Variants in ZFAT observed in about 807,000 individuals in gnomAD.
ZFAT encodes zinc finger protein ZFAT.
Under a neutral mutation model 117.7 loss-of-function variants are expected in ZFAT, and 64 were observed. The observed-to-expected ratio is 0.54, with a 90% CI of 0.44 to 0.67. The LOEUF is 0.67. ZFAT is among the 30% of genes least tolerant of loss of function. The pLI, the probability that ZFAT is intolerant of heterozygous loss-of-function variation, is 0.00. For synonymous variants in ZFAT, 679 were observed against 615.0 expected (o/e 1.10, Z -1.54); for missense variants, 1,433 against 1,584.5 (o/e 0.90, Z 1.62).
At chr8:134,481,816 G>A (rs150368997) in intron 15 of ZFAT, among the ~76,000 whole-genome samples, 159 of 152,294 alleles carry the variant, frequency 1.0e-3, no homozygotes, top group African/African-American at 3.6e-3. Flanking sequence ...CAGCAGCAGC[G>A]CCTGGGACCA....
At chr8:134,609,096 CTAAA>C (rs1828125322) in intron 4 of ZFAT, among the ~76,000 whole-genome samples, 1 of 151,890 alleles carries the variant, frequency 6.6e-6, no homozygotes, top group Non-Finnish European at 1.5e-5. Context: ...AATAATCTGT[CTAAA>C]TGTCCTCTTG....
the ZFAT span, among the ~76,000 whole-genome samples, chr8:134,780,416 C>T: frequency 2.6e-5 from 4 of 152,330 alleles, no homozygotes; most frequent in Non-Finnish European, 4.4e-5. Flanking sequence ...ATCCTTGGGG[C>T]TTCTTTCAAG....
chr8:134,590,358 T>C lies in ZFAT; in HGVS notation c.2476-3A>G, dbSNP rs1440783183. On this transcript the variant is annotated splice_polypyrimidine_tract_variant and splice_region_variant and intron_variant, in intron 7 of 15. Coordinates refer to ENST00000377838, the MANE Select transcript of ZFAT (RefSeq NM_020863.4). ...GGACAAGAATAACTCCTTTTGTCCT[T>C]AATAGAAAGAGAACATAATCAGTTG... is the stretch of plus-strand genomic sequence containing the variant. 3 of 1,602,806 alleles carry C rather than the reference T, an allele frequency of 1.9e-6. No individual in the cohort carries two copies.
chr8:134,600,295 C>T (rs370368668), intron 7 of ZFAT, 141 bp downstream of exon 7: 37 of 778,664 alleles, frequency 4.8e-5, no homozygotes, highest in South Asian at 1.9e-4. Flanking sequence ...GCCTCTGCCA[C>T]GTGCACAGCT....
intron 10 of ZFAT, among the ~76,000 whole-genome samples, chr8:134,582,857 T>G (rs141104476): frequency 6.6e-6 from 1 of 152,218 alleles, no homozygotes; most frequent in South Asian, 2.1e-4. Context: ...AAATTAAAAA[T>G]CACTGTTGAA....
intron 1 of ZFAT, among the ~76,000 whole-genome samples, chr8:134,684,533 G>A (rs896505657): frequency 2.0e-5 from 3 of 152,054 alleles, no homozygotes; most frequent in Non-Finnish European, 4.4e-5. Flanking sequence ...ATAGGGACAC[G>A]CCAGCTCTAG....
intron 10 of ZFAT, among the ~76,000 whole-genome samples, chr8:134,567,607 T>C (rs1051750664): frequency 2.0e-5 from 3 of 152,100 alleles, no homozygotes; most frequent in Non-Finnish European, 4.4e-5. Flanking sequence ...AACCAACCAA[T>C]GGCCCCAACT....
intron 11 of ZFAT, among the ~76,000 whole-genome samples, chr8:134,537,251 A>T (rs112460287): frequency 7.2e-5 from 11 of 152,206 alleles, no homozygotes; most frequent in African/African-American, 2.7e-4. Flanking sequence ...ATAGTTTCAC[A>T]GTCTCCCAGC....
chr8:134,708,267 C>T (rs1813860157), intron 1 of ZFAT, among the ~76,000 whole-genome samples: 1 of 152,140 alleles, frequency 6.6e-6, no homozygotes, highest in African/African-American at 2.4e-5. Context: ...ACATATTGCA[C>T]AGCATGGTGA....
At chr8:134,606,099 T>C (rs149186986) in intron 5 of ZFAT, among the ~76,000 whole-genome samples, 2 of 152,236 alleles carry the variant, frequency 1.3e-5, no homozygotes, top group Admixed American at 6.5e-5. Flanking sequence ...AAGCGGTGCC[T>C]GCAATAAGAG....
chr8:134,481,981 A>AT (rs1563756709), intron 15 of ZFAT, among the ~76,000 whole-genome samples: 1 of 151,684 alleles, frequency 6.6e-6, no homozygotes, highest in African/African-American at 2.4e-5. Context: ...GCAGAGTCCC[A>AT]TTTTCACTCT....
At chr8:134,480,239 G>A (rs915659808) in intron 15 of ZFAT, among the ~76,000 whole-genome samples, 2 of 152,226 alleles carry the variant, frequency 1.3e-5, no homozygotes, top group Admixed American at 1.3e-4. Flanking sequence ...CGGGATTACA[G>A]GCATAAGCCA....
chr8:134,546,646 CTT>C (rs1220854745), intron 11 of ZFAT, among the ~76,000 whole-genome samples: 1 of 152,214 alleles, frequency 6.6e-6, no homozygotes, highest in Non-Finnish European at 1.5e-5. Context: ...AGAACAGATG[CTT>C]CTGAGAAATA....
chr8:134,673,096 G>A (rs1832636504), intron 1 of ZFAT: 1 of 152,176 alleles, frequency 6.6e-6, no homozygotes, highest in Non-Finnish European at 1.5e-5. Flanking sequence ...ATGAATGAGG[G>A]AGGGAGTCCT....
At chr8:134,660,165 G>T (rs1299213914) in intron 1 of ZFAT, among the ~76,000 whole-genome samples, 1 of 152,172 alleles carries the variant, frequency 6.6e-6, no homozygotes, top group Admixed American at 6.5e-5. Context: ...GGCAGAAAGG[G>T]TTTGTAATCC....
chr8:134,557,762 A>G (rs1306044959), intron 11 of ZFAT, among the ~76,000 whole-genome samples: 1 of 152,246 alleles, frequency 6.6e-6, no homozygotes, highest in Non-Finnish European at 1.5e-5. Flanking sequence ...AAAGATGTTG[A>G]TAATTACACT....
chr8:134,565,561 G>A, intron 10 of ZFAT, 140 bp from the exon 11 acceptor site: 1 of 808,634 alleles, frequency 1.2e-6, no homozygotes, highest in Non-Finnish European at 2.1e-6. Flanking sequence ...ACAGCGACGA[G>A]GTGCACAGGC....
chr8:134,610,306 C>A (rs1828232862), intron 4 of ZFAT, among the ~76,000 whole-genome samples, 164 bp downstream of exon 4: 2 of 152,218 alleles, frequency 1.3e-5, no homozygotes, highest in South Asian at 4.1e-4. Context: ...ACCACAACAC[C>A]TGGGCAGTAA....
intron 2 of ZFAT, among the ~76,000 whole-genome samples, chr8:134,652,041 G>C (rs556865689): frequency 1.3e-5 from 2 of 152,250 alleles, no homozygotes; most frequent in African/African-American, 4.8e-5. Flanking sequence ...CAATAGGCTG[G>C]GCATGGTGGC....
Sources: allele counts gnomAD v4.1 joint callset (sites outside exome capture counted in the v4.1 genomes callset), GRCh38; gene constraint gnomAD v4.1.1; transcripts MANE v1.5; gene names NCBI Gene and HGNC (gene_info 2026-07-23, HGNC 2026-07-21).